TNFRSF8: variants seen among roughly 807,000 people sequenced by gnomAD.
TNFRSF8 encodes TNF receptor superfamily member 8.
A neutral mutation model predicts 70.8 loss-of-function variants in TNFRSF8; 26 were observed. That is an observed-to-expected ratio of 0.37 (90% CI 0.27 to 0.51). The LOEUF (loss-of-function observed/expected upper bound fraction) is 0.51. Ranked by LOEUF, TNFRSF8 falls within the 20% of genes least tolerant of loss-of-function variation. The probability of loss-of-function intolerance (pLI) is 0.94; values close to 1 mark genes in which losing one functional copy is unlikely to be tolerated. For missense variants in TNFRSF8, 720 were observed against 807.9 expected (o/e 0.89, Z 1.32); for synonymous variants, 356 against 339.2 (o/e 1.05, Z -0.54).
intron 12 of TNFRSF8, among the ~76,000 whole-genome samples, chr1:12,129,084 C>T (rs560025475): frequency 3.0e-4 from 46 of 152,210 alleles, no homozygotes; most frequent in African/African-American, 9.4e-4. Flanking sequence ...CCGCCTGCCT[C>T]GGCCTCCCAA....
chr1:12,134,861 A>G (rs949049027), intron 12 of TNFRSF8, among the ~76,000 whole-genome samples: 3 of 151,996 alleles, frequency 2.0e-5, no homozygotes, highest in Non-Finnish European at 4.4e-5. Context: ...CACACCCTGG[A>G]GACAGTAAGG....
intron 1 of TNFRSF8, among the ~76,000 whole-genome samples, chr1:12,071,825 A>G (rs1191294454): frequency 6.6e-6 from 1 of 152,090 alleles, no homozygotes; most frequent in Non-Finnish European, 1.5e-5. Flanking sequence ...GGCCTCCCAA[A>G]GTGCTGGGAT....
intron 8 of TNFRSF8, among the ~76,000 whole-genome samples, chr1:12,120,364 AAGAG>A (rs1241514336): frequency 1.3e-5 from 2 of 152,222 alleles, no homozygotes; most frequent in African/African-American, 4.8e-5. Context: ...CCAGGAATAG[AAGAG>A]AGAATTGTAG....
intron 1 of TNFRSF8, among the ~76,000 whole-genome samples, chr1:12,080,744 G>A (rs1641050031): frequency 6.6e-6 from 1 of 152,100 alleles, no homozygotes; most frequent in African/African-American, 2.4e-5. Flanking sequence ...ATTTTTAGTA[G>A]AGACGGGGTT....
At position 12,119,219 on chromosome 1, in the gene TNFRSF8, C is replaced by A. The variant is rs1300546236; in HGVS notation, c.946+3490C>A. On this transcript the variant is annotated intron_variant, in intron 8 of 14. Transcript: ENST00000263932. The surrounding 1 kb of genome is among the most constrained non-coding windows in gnomAD (Gnocchi z 4.4). Reference sequence around the variant, plus strand: ...CTGGTGACCACCTTGATGTGGCTCTCCCAATGCAGACATTGGCACGTGCCA... The same window carrying A: ...CTGGTGACCACCTTGATGTGGCTCTACCAATGCAGACATTGGCACGTGCCA... Among the ~76,000 whole-genome samples the A allele has an allele frequency of 6.6e-6, 1 of 152,156 alleles. No individual in the cohort carries two copies. Among genetic ancestry groups the A allele is most frequent in the Non-Finnish European group, 1.5e-5 (1 of 68,020 alleles).
At chr1:12,090,461 CACCCACTCATCCATCCACGT>C (rs1261706220) in intron 2 of TNFRSF8, among the ~76,000 whole-genome samples, 4 of 151,600 alleles carry the variant, frequency 2.6e-5, no homozygotes, top group African/African-American at 7.3e-5. Context: ...TCCATCCACC[CACCCACTCATCCATCCACGT>C]ACCCACTCAT....
intron 7 of TNFRSF8, 96 bp from the exon 8 acceptor site, chr1:12,115,481 C>G: frequency 2.9e-6 from 4 of 1,365,160 alleles, no homozygotes; most frequent in Non-Finnish European, 4.2e-6. Context: ...TTGGATGACC[C>G]TTGGACAACT....
intron 8 of TNFRSF8, among the ~76,000 whole-genome samples, chr1:12,117,330 G>A (rs933021729): frequency 6.6e-5 from 10 of 152,084 alleles, no homozygotes; most frequent in Admixed American, 1.3e-4. Context: ...TGATCTGCCC[G>A]CCTCCACCTC....
chr1:12,138,586 T>C lies in TNFRSF8; in HGVS notation c.1543+150T>C, dbSNP rs11569939. 761 of 809,320 alleles carry C rather than the reference T, an allele frequency of 9.4e-4. 3 individuals are homozygous for C. The African/African-American group carries it at 0.012, about 13-fold the overall frequency. 50.1% of individuals were successfully genotyped at this position (809,320 alleles called of 1,614,324 possible). On this transcript the variant is annotated intron_variant, in intron 14 of 14. Coordinates refer to ENST00000263932, the MANE Select transcript of TNFRSF8 (RefSeq NM_001243.5). This position sits in a 1 kb window ranked among gnomAD's most constrained non-coding sequence, Gnocchi z 5.7. ...TAGATTCTTCACCCCAATTGAAGTT[T>C]CTGTAAGTAGGGACAGCGAGGGTAC...
Position 12,113,363 on chromosome 1 carries a change from G to A in TNFRSF8, c.793+1349G>A, listed in dbSNP as rs534125361. 8.5e-5 allele frequency among the ~76,000 whole-genome samples: 13 copies of A among 152,162 alleles called. No individual in the cohort carries two copies. The East Asian group carries it at 2.3e-3, about 27-fold the overall frequency. On this transcript the variant is annotated intron_variant, in intron 7 of 14. Transcript: ENST00000263932. This position sits in a 1 kb window ranked among gnomAD's most constrained non-coding sequence, Gnocchi z 4.9. ...CTTTTTTTGTATTTTTAGTAGAGACGGGGTTTCACCATGTTGGCCAGGCTG... is the reference window on the plus strand; with the variant it reads ...CTTTTTTTGTATTTTTAGTAGAGACAGGGTTTCACCATGTTGGCCAGGCTG...
chr1:12,129,099 C>T (rs1490968581), intron 12 of TNFRSF8, among the ~76,000 whole-genome samples: 1 of 152,142 alleles, frequency 6.6e-6, no homozygotes, highest in Non-Finnish European at 1.5e-5. Flanking sequence ...TCCCAAAGTG[C>T]TGGGTTTGCA....
intron 4 of TNFRSF8, among the ~76,000 whole-genome samples, chr1:12,104,834 G>T (rs1022892983): frequency 3.9e-5 from 6 of 152,158 alleles, no homozygotes; most frequent in Non-Finnish European, 8.8e-5. Flanking sequence ...AAACAAGAAG[G>T]GAACCTCAAG....
chr1:12,101,612 T>C (rs12409087), intron 3 of TNFRSF8, among the ~76,000 whole-genome samples: 2,564 of 152,284 alleles, frequency 0.017, 30 homozygotes, highest in Non-Finnish European at 0.026. Context: ...GTAACGCACG[T>C]GCTACGACAT....
At position 12,113,497 on chromosome 1, in the gene TNFRSF8, C is replaced by G. The variant is rs1184791916; in HGVS notation, c.793+1483C>G. Reference sequence around the variant, plus strand: ...CCATAAAAGTCTTGAGAGAGAGAGACAGACAGAAAGAGAGAGTGAGAGAGA... The same window carrying G: ...CCATAAAAGTCTTGAGAGAGAGAGAGAGACAGAAAGAGAGAGTGAGAGAGA... On this transcript the variant is annotated intron_variant, in intron 7 of 14. Coordinates refer to ENST00000263932, the MANE Select transcript of TNFRSF8 (RefSeq NM_001243.5). The surrounding 1 kb of genome is among the most constrained non-coding windows in gnomAD (Gnocchi z 4.9). Among the ~76,000 whole-genome samples, 1 of 147,288 alleles carries G rather than the reference C, an allele frequency of 6.8e-6. No individual in the cohort carries two copies. Among genetic ancestry groups the G allele is most frequent in the East Asian group, 1.9e-4 (1 of 5,152 alleles).
chr1:12,135,705 G>A lies in TNFRSF8; in HGVS notation c.1335+92G>A, dbSNP rs1028612922. On this transcript the variant is annotated intron_variant, in intron 13 of 14. Transcript: ENST00000263932. The stretch of plus-strand genomic sequence containing the variant: ...TCTGAAGTTTTGAGAGCTGCTGGGG[G>A]AAGGGAGAGGGAGGGGACGGACTGG... 3.9e-6 allele frequency: 6 copies of A among 1,543,762 alleles called. No homozygotes were observed. The South Asian group carries it at 7.0e-5, about 18-fold the overall frequency.
chr1:12,084,929 C>A (rs991157462), intron 2 of TNFRSF8, among the ~76,000 whole-genome samples: 8 of 152,118 alleles, frequency 5.3e-5, no homozygotes, highest in African/African-American at 1.9e-4. Context: ...TGGGGCTTGG[C>A]AGGGTTAAGT....
chr1:12,074,292 T>G (rs1640899601), intron 1 of TNFRSF8, among the ~76,000 whole-genome samples: 1 of 151,716 alleles, frequency 6.6e-6, no homozygotes, highest in Non-Finnish European at 1.5e-5. Flanking sequence ...TTCTTTTTTT[T>G]TTTTTGAGAC....
chr1:12,142,764 A>T lies in TNFRSF8; in HGVS notation c.*233A>T. 1.8e-6 allele frequency: 1 copy of T among 556,042 alleles called. No homozygotes were observed. Among genetic ancestry groups the T allele is most frequent in the Non-Finnish European group, 3.1e-6 (1 of 317,652 alleles). 34.4% of individuals were successfully genotyped at this position (556,042 alleles called of 1,614,324 possible). On this transcript the variant is annotated 3_prime_UTR_variant, in exon 15 of 15. Coordinates refer to ENST00000263932, the MANE Select transcript of TNFRSF8 (RefSeq NM_001243.5). The surrounding 1 kb of genome is among the most constrained non-coding windows in gnomAD (Gnocchi z 5.0). ...GATCCGGGGCTTGTACAGAAGAGACAGTCCAAGGGGACTGGATCCCAGCAG... is the reference window on the plus strand; with the variant it reads ...GATCCGGGGCTTGTACAGAAGAGACTGTCCAAGGGGACTGGATCCCAGCAG...
intron 1 of TNFRSF8, among the ~76,000 whole-genome samples, chr1:12,067,388 A>G (rs1338251266): frequency 6.6e-6 from 1 of 152,166 alleles, no homozygotes; most frequent in East Asian, 1.9e-4. Flanking sequence ...GAAGGTTCTC[A>G]TGAAAGTATC....
Sources: allele counts gnomAD v4.1 joint callset (sites outside exome capture counted in the v4.1 genomes callset), GRCh38; gene constraint gnomAD v4.1.1; non-coding constraint Gnocchi (gnomAD v3.1); transcripts MANE v1.5; gene names NCBI Gene and HGNC (gene_info 2026-07-23, HGNC 2026-07-21).